PIK3CA: variants seen among roughly 807,000 people sequenced by gnomAD.
PIK3CA encodes phosphatidylinositol-4,5-bisphosphate 3-kinase catalytic subunit alpha.
Under a neutral mutation model 138.2 loss-of-function variants are expected in PIK3CA, and 27 were observed. The observed-to-expected ratio is 0.20, with a 90% CI of 0.14 to 0.27. The LOEUF is 0.27. Among genes scored for constraint, PIK3CA ranks in the 10% least tolerant of loss-of-function variants. The pLI is 1.00. For synonymous variants in PIK3CA, 358 were observed against 413.2 expected, an observed-to-expected ratio of 0.87 and a Z score of 1.62; for missense variants, 544 against 1,277.4, an observed-to-expected ratio of 0.43 and a Z score of 8.75.
At chr3:179,226,939 G>A (rs76704209) in intron 17 of PIK3CA, among the ~76,000 whole-genome samples, 1,674 of 151,980 alleles carry the variant, frequency 0.011, 27 homozygotes, top group African/African-American at 0.039. Context: ...TCATTTTTTG[G>A]TATAATTTCC....
chr3:179,189,213 CAAAA>C (rs918717817), intron 1 of PIK3CA, among the ~76,000 whole-genome samples: 3 of 149,104 alleles, frequency 2.0e-5, no homozygotes. Flanking sequence ...GACTCCATCT[CAAAA>C]AAAAAGTAAA....
chr3:179,173,466 C>A (rs1723615790), intron 1 of PIK3CA, among the ~76,000 whole-genome samples: 1 of 148,876 alleles, frequency 6.7e-6, no homozygotes. Flanking sequence ...GTAGTCCCAG[C>A]TACTCGGGAG....
intron 1 of PIK3CA, among the ~76,000 whole-genome samples, chr3:179,195,254 C>A (rs1724237507): frequency 6.7e-6 from 1 of 148,896 alleles, no homozygotes; most frequent in Non-Finnish European, 1.5e-5. Context: ...TACTTGCCTT[C>A]TCGGTGAAAA....
intron 1 of PIK3CA, among the ~76,000 whole-genome samples, chr3:179,181,331 T>C (rs561429224): frequency 6.6e-6 from 1 of 152,254 alleles, no homozygotes; most frequent in South Asian, 2.1e-4. Context: ...TAATGACTCA[T>C]GCTGTTCTCA....
intron 1 of PIK3CA, among the ~76,000 whole-genome samples, chr3:179,161,952 T>C (rs1399594269): frequency 3.9e-5 from 6 of 152,188 alleles, no homozygotes; most frequent in Non-Finnish European, 7.3e-5. Flanking sequence ...ATATACCCTA[T>C]AATTGACAAT....
chr3:179,210,664 A>G (rs2108402062), intron 9 of PIK3CA, 99 bp downstream of exon 9: 1 of 1,155,520 alleles, frequency 8.7e-7, no homozygotes, highest in East Asian at 2.4e-5. Flanking sequence ...TTACTGGCAT[A>G]GATACTATGA....
rs202176973 is a variant in PIK3CA, at chr3:179,199,050, A to G, written c.225A>G (p.Gln75=). 205 of 1,613,598 alleles carry G rather than the reference A, an allele frequency of 1.3e-4. No homozygotes were observed. Among genetic ancestry groups the G allele is most frequent in the Non-Finnish European group, 1.6e-4 (191 of 1,179,800 alleles). ...CTTACATTTTCGTAAGTGTTACTCA[A>G]GAAGCAGAAAGGGAAGAATTTTTTG... The part of the protein sequence containing the change: ...ESSYIFVSVT[Q]EAEREEFFDE... The change falls in exon 2 of 21, where the codon CAA becomes CAG. Residue 75 remains glutamine (Q), a synonymous_variant. Coordinates refer to ENST00000263967, the MANE Select transcript of PIK3CA (RefSeq NM_006218.4).
Position 179,177,355 on chromosome 3 carries a change from C to G in PIK3CA, c.-76-21395C>G, listed in dbSNP as rs1723723947. Among the ~76,000 whole-genome samples the G allele has an allele frequency of 2.0e-5, 3 of 146,638 alleles. No individual in the cohort carries two copies. The Admixed American group carries it at 2.1e-4, about 10-fold the overall frequency. ...TGAGATGGAGTCTCACTCTGTCGCC[C>G]AGGCTGGCGTGCAGTGGCCTGGTCT... is the stretch of plus-strand genomic sequence containing the variant. On this transcript the variant is annotated intron_variant, in intron 1 of 20. Transcript: ENST00000263967.
At chr3:179,148,242 A>G (rs1722902417), upstream of PIK3CA, 1 of 151,430 alleles carries the variant, frequency 6.6e-6, no homozygotes, top group African/African-American at 2.4e-5. Flanking sequence ...AGAGACCAAT[A>G]AAGTTTATTC....
At chr3:179,163,483 C>T (rs1191383466) in intron 1 of PIK3CA, among the ~76,000 whole-genome samples, 1 of 152,074 alleles carries the variant, frequency 6.6e-6, no homozygotes, top group East Asian at 1.9e-4. Flanking sequence ...GACTCCCTAT[C>T]TTTAAAAAAA....
At chr3:179,161,976 G>T (rs1466332875) in intron 1 of PIK3CA, among the ~76,000 whole-genome samples, 1 of 151,758 alleles carries the variant, frequency 6.6e-6, no homozygotes, top group Non-Finnish European at 1.5e-5. Flanking sequence ...GTAGACCCTG[G>T]GTATATAATG....
At chr3:179,213,655 T>G (rs1001108622) in intron 9 of PIK3CA, among the ~76,000 whole-genome samples, 1 of 152,130 alleles carries the variant, frequency 6.6e-6, no homozygotes, top group East Asian at 1.9e-4. Context: ...AGAACTTCTT[T>G]CAGATTTGGA....
At chr3:179,170,076 G>GCACACACACACACA (rs60084117) in intron 1 of PIK3CA, among the ~76,000 whole-genome samples, 3 of 139,210 alleles carry the variant, frequency 2.2e-5, no homozygotes, top group Non-Finnish European at 4.6e-5. Flanking sequence ...ACGCGCGCGC[G>GCACACACACACACA]CACACACACA....
intron 1 of PIK3CA, among the ~76,000 whole-genome samples, chr3:179,198,124 T>C (rs988630663): frequency 8.5e-5 from 13 of 152,186 alleles, no homozygotes; most frequent in African/African-American, 3.1e-4. Flanking sequence ...ACCTAAATCA[T>C]ACTTTAAGAA....
intron 20 of PIK3CA, among the ~76,000 whole-genome samples, chr3:179,231,180 A>T (rs1368421467): frequency 6.6e-6 from 1 of 152,124 alleles, no homozygotes; most frequent in African/African-American, 2.4e-5. Context: ...GTGTATATGT[A>T]CACTTTCTTT....
chr3:179,196,264 C>T (rs1203568960), intron 1 of PIK3CA, among the ~76,000 whole-genome samples: 1 of 152,144 alleles, frequency 6.6e-6, no homozygotes, highest in East Asian at 1.9e-4. Flanking sequence ...AAATCATAAA[C>T]ACAGCTGCTG....
chr3:179,150,145 AT>A (rs1401330735), intron 1 of PIK3CA, among the ~76,000 whole-genome samples: 1 of 150,170 alleles, frequency 6.7e-6, no homozygotes, highest in African/African-American at 2.5e-5. Context: ...AGCCAAAATT[AT>A]CTGAAGAGGA....
chr3:179,204,582 A>G lies in PIK3CA; in HGVS notation c.1139A>G (p.Asn380Ser), dbSNP rs202013300. 19 of 1,477,150 alleles carry G rather than the reference A, an allele frequency of 1.3e-5. No homozygotes were observed. Among genetic ancestry groups the G allele is most frequent in the African/African-American group, 2.8e-5 (2 of 72,344 alleles). The allele number at this position is 1,477,150 out of a possible 1,614,324, so 91.5% of individuals were successfully genotyped here. ...AACACTCAAAGAGTACCTTGTTCCA[A>G]TCCCAGGTAAGGAAGTATATAGATT... ...NVNTQRVPCS[N>S]PRWNEWLNYD... Residue 380 changes from asparagine to serine, a missense_variant, in exon 6 of 21, where the codon AAT becomes AGT. Transcript: ENST00000263967.
At chr3:179,192,580 A>G (rs965743027) in intron 1 of PIK3CA, among the ~76,000 whole-genome samples, 7 of 152,244 alleles carry the variant, frequency 4.6e-5, no homozygotes, top group Admixed American at 6.5e-5. Flanking sequence ...AGGTAATTCT[A>G]ATACATTACA....
Sources: allele counts gnomAD v4.1 joint callset (sites outside exome capture counted in the v4.1 genomes callset), GRCh38; gene constraint gnomAD v4.1.1; transcripts MANE v1.5; gene names NCBI Gene and HGNC (gene_info 2026-07-23, HGNC 2026-07-21).